The following WNT2 variants were observed in gnomAD, a reference collection of about 807,000 sequenced individuals.
WNT2 encodes the protein Wnt family member 2, also known as protein Wnt-2.
In WNT2, 12 loss-of-function variants were observed where a neutral mutation model predicts 36.9. The observed-to-expected ratio is 0.33, with a 90% CI of 0.21 to 0.53. WNT2 has a LOEUF of 0.53. Among genes scored for constraint, WNT2 ranks in the 20% least tolerant of loss-of-function variants. The probability of loss-of-function intolerance (pLI) is 0.95; values close to 1 mark genes in which losing one functional copy is unlikely to be tolerated. For synonymous variants in WNT2, 163 were observed against 174.6 expected (o/e 0.93, Z 0.52); for missense variants, 379 against 473.1 (o/e 0.80, Z 1.84).
rs1168688295 is a variant in WNT2, at chr7:117,277,482, C to T, written c.*673G>A. 6.6e-6 allele frequency: 1 copy of T among 152,448 alleles called. No homozygotes were observed. The highest frequency in any genetic ancestry group is 2.4e-5 in the African/African-American group (1 of 41,452). The allele number at this position is 152,448 out of a possible 1,614,324, so 9.4% of individuals were successfully genotyped here. ...CTTTTGCTCTTACAAAGATACAACACACCATAGTACCAAAGGACACACGTC... is the reference window on the plus strand; with the variant it reads ...CTTTTGCTCTTACAAAGATACAACATACCATAGTACCAAAGGACACACGTC... On this transcript the variant is annotated 3_prime_UTR_variant, in exon 5 of 5. Coordinates refer to ENST00000265441, the MANE Select transcript of WNT2 (RefSeq NM_003391.3).
intron 2 of WNT2, among the ~76,000 whole-genome samples, chr7:117,317,964 A>G (rs143230287): frequency 6.6e-6 from 1 of 152,314 alleles, no homozygotes; most frequent in African/African-American, 2.4e-5. Context: ...TTGGAGGTGT[A>G]TTCTTGCAGG....
chr7:117,287,310 A>G (rs965519278), intron 4 of WNT2, among the ~76,000 whole-genome samples: 11 of 151,966 alleles, frequency 7.2e-5, no homozygotes, highest in Admixed American at 2.6e-4. Context: ...GTGCCACTCT[A>G]CTCCAGCCTG....
intron 4 of WNT2, among the ~76,000 whole-genome samples, chr7:117,288,881 G>A (rs1278852703): frequency 1.3e-5 from 2 of 151,964 alleles, no homozygotes; most frequent in Non-Finnish European, 2.9e-5. Flanking sequence ...ACATCAAAGA[G>A]CATTGGATGT....
At position 117,305,622 on chromosome 7, in the gene WNT2, C is replaced by T. The variant is rs535661406; in HGVS notation, c.589-7746G>A. On this transcript the variant is annotated intron_variant, in intron 3 of 4. Transcript: ENST00000265441. ...AGGAACTCTGGTTGTAGAGGTGGGG[C>T]TTGTGGACCAAAAAATATTGCTTTC... Among the ~76,000 whole-genome samples, 8 of 152,228 alleles carry T rather than the reference C, an allele frequency of 5.3e-5. No homozygotes were observed. In the South Asian group the frequency reaches 1.2e-3, roughly 24 times the overall value.
intron 4 of WNT2, among the ~76,000 whole-genome samples, chr7:117,279,151 T>C (rs1237426730): frequency 2.0e-5 from 3 of 152,248 alleles, no homozygotes; most frequent in African/African-American, 7.2e-5. Context: ...GTTTGCTAAA[T>C]GGCAATCCAT....
chr7:117,311,549 T>C (rs959774457), intron 3 of WNT2, among the ~76,000 whole-genome samples: 1 of 152,206 alleles, frequency 6.6e-6, no homozygotes. Context: ...TTTGGAAATA[T>C]CAAATTATAA....
intron 3 of WNT2, among the ~76,000 whole-genome samples, chr7:117,306,899 C>A (rs1427497483): frequency 3.9e-5 from 6 of 152,116 alleles, no homozygotes; most frequent in Non-Finnish European, 7.4e-5. Context: ...TATAACTATT[C>A]TCAACAAAAG....
At chr7:117,309,687 A>T (rs1038437627) in intron 3 of WNT2, among the ~76,000 whole-genome samples, 3 of 152,160 alleles carry the variant, frequency 2.0e-5, no homozygotes, top group African/African-American at 2.4e-5. Context: ...TTGCTCAAGT[A>T]TTAGAGCCAG....
intron 3 of WNT2, among the ~76,000 whole-genome samples, chr7:117,305,909 C>G (rs966342036): frequency 2.6e-5 from 4 of 152,206 alleles, no homozygotes; most frequent in African/African-American, 9.7e-5. Context: ...CCGCGGAGTT[C>G]TGCTCATGGG....
chr7:117,283,789 C>T (rs1794536293), intron 4 of WNT2, among the ~76,000 whole-genome samples: 1 of 152,206 alleles, frequency 6.6e-6, no homozygotes, highest in Non-Finnish European at 1.5e-5. Context: ...GTTCAATGTT[C>T]AGTTATAAAA....
Position 117,320,549 on chromosome 7 carries a change from T to C in WNT2, c.310+18A>G. On this transcript the variant is annotated intron_variant, in intron 2 of 4. Transcript: ENST00000265441. ...ATGAGTGGAGAGCCATAGGGCTGGG[T>C]GAAGGCAGGAGACTTACTTCGGAGT... 6.2e-7 allele frequency: 1 copy of C among 1,606,708 alleles called. No homozygotes were observed. Among genetic ancestry groups the C allele is most frequent in the South Asian group, 1.1e-5 (1 of 89,530 alleles).
chr7:117,289,636 T>C (rs184143917), intron 4 of WNT2, among the ~76,000 whole-genome samples: 2 of 152,328 alleles, frequency 1.3e-5, no homozygotes, highest in East Asian at 1.9e-4. Flanking sequence ...TGTTTTTTTA[T>C]AATTTGCCAT....
At chr7:117,302,700 G>A (rs766612338) in intron 3 of WNT2, among the ~76,000 whole-genome samples, 1 of 152,048 alleles carries the variant, frequency 6.6e-6, no homozygotes, top group Non-Finnish European at 1.5e-5. Context: ...AGCAAATTAC[G>A]GTATATGCTT....
At chr7:117,287,586 G>C (rs1179786687) in intron 4 of WNT2, among the ~76,000 whole-genome samples, 9 of 152,258 alleles carry the variant, frequency 5.9e-5, no homozygotes, top group Non-Finnish European at 1.0e-4. Flanking sequence ...TCTCCCCAGG[G>C]ACAGGGGTTG....
intron 3 of WNT2, among the ~76,000 whole-genome samples, chr7:117,312,372 C>G (rs1035661769): frequency 6.6e-6 from 1 of 152,106 alleles, no homozygotes; most frequent in Non-Finnish European, 1.5e-5. Context: ...TCTGTAGAGA[C>G]AGGGTTTCAT....
chr7:117,288,202 A>G (rs1436887864), intron 4 of WNT2, among the ~76,000 whole-genome samples: 2 of 152,222 alleles, frequency 1.3e-5, no homozygotes, highest in Non-Finnish European at 2.9e-5. Context: ...ACAACTTAAG[A>G]AAGTTTGTGG....
intron 4 of WNT2, among the ~76,000 whole-genome samples, chr7:117,281,210 G>A (rs1227646364): frequency 6.6e-6 from 1 of 152,136 alleles, no homozygotes; most frequent in African/African-American, 2.4e-5. Flanking sequence ...AGGGAGGCTG[G>A]AGCAACAGGT....
intron 4 of WNT2, among the ~76,000 whole-genome samples, chr7:117,286,436 C>T (rs1023925688): frequency 6.6e-6 from 1 of 151,860 alleles, no homozygotes; most frequent in Non-Finnish European, 1.5e-5. Flanking sequence ...CCCTTCTCTC[C>T]CTATTCTCTC....
intron 3 of WNT2, among the ~76,000 whole-genome samples, chr7:117,314,043 G>T (rs1322178588): frequency 6.6e-6 from 1 of 151,938 alleles, no homozygotes. Flanking sequence ...GCCCCCCCAG[G>T]GACCTTTCAA....
Sources: gnomAD v4.1 joint callset for allele counts (sites outside exome capture counted in the v4.1 genomes callset) on GRCh38, gnomAD v4.1.1 for gene constraint, MANE v1.5 for transcripts, NCBI Gene and HGNC (gene_info 2026-07-23, HGNC 2026-07-21) for gene names.